TMEM217: variants seen among roughly 807,000 people sequenced by gnomAD.
TMEM217 encodes the protein chromosome 6 open reading frame 128.
For synonymous variants in TMEM217, 76 were observed against 88.3 expected (o/e 0.86, Z 0.78); for missense variants, 204 against 248.8 (o/e 0.82, Z 1.21).
chr6:37,213,531 C>A (rs1197881715), downstream of TMEM217, among the ~76,000 whole-genome samples: 1 of 152,236 alleles, frequency 6.6e-6, no homozygotes, highest in Non-Finnish European at 1.5e-5. Context: ...GTTTGGCCAG[C>A]AGGAATGGAA....
chr6:37,236,654 C>T (rs1330622294), intron 1 of TMEM217, among the ~76,000 whole-genome samples: 1 of 91,874 alleles, frequency 1.1e-5, no homozygotes, highest in African/African-American at 4.7e-5. Flanking sequence ...ATTGGATGTG[C>T]CAGTACTATT....
At chr6:37,214,528 T>G (rs928051050), downstream of TMEM217, among the ~76,000 whole-genome samples, 2 of 151,962 alleles carry the variant, frequency 1.3e-5, no homozygotes, top group African/African-American at 2.4e-5. Flanking sequence ...TGCCTGGCCA[T>G]CTTCAGAACT....
intron 1 of TMEM217, among the ~76,000 whole-genome samples, chr6:37,224,904 C>T (rs531085735): frequency 1.1e-4 from 17 of 151,494 alleles, no homozygotes; most frequent in Admixed American, 9.2e-4. Flanking sequence ...GAAGACCAGT[C>T]ATGGTGGCTC....
At chr6:37,237,901 T>C (rs909916236) in intron 1 of TMEM217, among the ~76,000 whole-genome samples, 2 of 152,134 alleles carry the variant, frequency 1.3e-5, no homozygotes, top group African/African-American at 2.4e-5. Flanking sequence ...TGAAGGATAA[T>C]GAGCTCAGAA....
chr6:37,257,588 G>T, exon 1 of TMEM217: 1 of 388,206 alleles, frequency 2.6e-6, no homozygotes, highest in East Asian at 5.1e-5. Context: ...CCTCTCGCGG[G>T]TAGGAACTTT....
In TMEM217 at chr6:37,218,782, C is replaced by A. The variant is rs1186323434; in HGVS notation, c.249G>T (p.Leu83=). 2.5e-6 allele frequency: 4 copies of A among 1,613,976 alleles called. No homozygotes were observed. In the African/African-American group the frequency reaches 4.0e-5, roughly 16 times the overall value. The change falls in exon 2 of 2, where the codon CTG becomes CTT. Residue 83 remains leucine (L), a synonymous_variant. Coordinates refer to ENST00000357219, the Ensembl canonical transcript of TMEM217. ...TGAAGATCTGGGCATACACTGAGTA[C>A]AGGAGGAAGCAGCTGATGAGGATGG... is the stretch of plus-strand genomic sequence containing the variant.
downstream of TMEM217, chr6:37,215,428 A>C: frequency 1.9e-6 from 2 of 1,079,530 alleles, no homozygotes; most frequent in Non-Finnish European, 2.5e-6. Flanking sequence ...TACAAAAATT[A>C]GCTGGGCATG....
rs145893084 is a variant in TMEM217 at position 37,222,718 on chromosome 6, G to T, written c.-11-3677C>A. 3.2e-4 allele frequency among the ~76,000 whole-genome samples: 48 copies of T among 152,370 alleles called. No individual in the cohort carries two copies. The East Asian group carries it at 9.3e-3, about 29-fold the overall frequency. ...TGGGCAGCTGCAGCCCGCCCAAGAGGGCGGGACTTCTGCCTGCTCCGTAGA... is the reference window on the plus strand; with the variant it reads ...TGGGCAGCTGCAGCCCGCCCAAGAGTGCGGGACTTCTGCCTGCTCCGTAGA... On this transcript the variant is annotated intron_variant, in intron 1 of 1. Transcript: ENST00000357219.
chr6:37,228,984 G>A (rs1253570904), intron 1 of TMEM217, among the ~76,000 whole-genome samples: 2 of 151,506 alleles, frequency 1.3e-5, no homozygotes, highest in African/African-American at 4.8e-5. Flanking sequence ...GTGACAGAGA[G>A]AGACTCCGTC....
At chr6:37,217,624 G>C, downstream of TMEM217, 2 of 985,116 alleles carry the variant, frequency 2.0e-6, no homozygotes, top group Non-Finnish European at 2.4e-6. Context: ...GGGGAAATTC[G>C]AGACATAAAT....
intron 1 of TMEM217, among the ~76,000 whole-genome samples, chr6:37,251,052 G>C (rs1765372273): frequency 7.5e-6 from 1 of 134,042 alleles, no homozygotes; most frequent in Non-Finnish European, 1.7e-5. Flanking sequence ...CAGCCAGCAG[G>C]TGTTATCTAT....
chr6:37,225,292 G>A (rs1763761784), intron 1 of TMEM217, among the ~76,000 whole-genome samples: 1 of 152,106 alleles, frequency 6.6e-6, no homozygotes, highest in Non-Finnish European at 1.5e-5. Flanking sequence ...GCAGGGATAG[G>A]GGCAGGGGCA....
At chr6:37,229,335 GTTTT>G (rs372385535) in intron 1 of TMEM217, among the ~76,000 whole-genome samples, 23 of 74,362 alleles carry the variant, frequency 3.1e-4, no homozygotes, top group African/African-American at 1.1e-3. Flanking sequence ...GCAACTTTCA[GTTTT>G]TTTTTTTTTT....
intron 1 of TMEM217, among the ~76,000 whole-genome samples, chr6:37,249,929 T>C (rs1765309671): frequency 6.6e-6 from 1 of 152,216 alleles, no homozygotes; most frequent in Non-Finnish European, 1.5e-5. Flanking sequence ...TTTCTAGTTG[T>C]TCACTTATGC....
intron 1 of TMEM217, among the ~76,000 whole-genome samples, chr6:37,245,514 G>A (rs547761690): frequency 1.1e-4 from 16 of 152,368 alleles, no homozygotes; most frequent in African/African-American, 3.4e-4. Flanking sequence ...CCATGACTTA[G>A]TTCACAGGAA....
chr6:37,252,635 ATATTTTTTTT>A (rs1333167268), intron 1 of TMEM217, among the ~76,000 whole-genome samples: 2,107 of 60,158 alleles, frequency 0.035, 27 homozygotes, highest in Admixed American at 0.1. Flanking sequence ...ATATATATAT[ATATTTTTTTT>A]TTTTTTTTTT....
At chr6:37,222,680 C>T (rs1020526398) in intron 1 of TMEM217, among the ~76,000 whole-genome samples, 2 of 152,240 alleles carry the variant, frequency 1.3e-5, no homozygotes, top group Non-Finnish European at 2.9e-5. Context: ...GGCTTCGATG[C>T]ACAGCCACAG....
intron 1 of TMEM217, among the ~76,000 whole-genome samples, chr6:37,230,560 C>T (rs879378468): frequency 6.6e-6 from 1 of 152,040 alleles, no homozygotes; most frequent in Non-Finnish European, 1.5e-5. Context: ...CACAGACACA[C>T]AGAGAGGGAT....
chr6:37,229,555 G>C lies in TMEM217; in HGVS notation c.-11-10514C>G, dbSNP rs1032727134. Among the ~76,000 whole-genome samples the C allele has an allele frequency of 2.8e-4, 43 of 151,846 alleles. 1 individual carries two copies. The highest frequency in any genetic ancestry group is 2.2e-3 in the Admixed American group (34 of 15,234). The stretch of plus-strand genomic sequence containing the variant: ...AACGGGGTTTCACCGTGTTAGCCAG[G>C]ATGGTCTCGATCTCCTGACCTCGTG... On this transcript the variant is annotated intron_variant, in intron 1 of 1. Coordinates refer to ENST00000357219, the Ensembl canonical transcript of TMEM217.
Sources: allele counts gnomAD v4.1 joint callset (sites outside exome capture counted in the v4.1 genomes callset), GRCh38; gene constraint gnomAD v4.1.1; transcripts MANE v1.5; gene names NCBI Gene and HGNC (gene_info 2026-07-23, HGNC 2026-07-21).